Variants in SLK observed in about 807,000 individuals in gnomAD.
SLK encodes STE20-like serine/threonine-protein kinase.
In SLK, 67 loss-of-function variants were observed where a neutral mutation model predicts 147.7. The observed-to-expected ratio is 0.45, with a 90% confidence interval of 0.37 to 0.56. SLK has a LOEUF of 0.56. Among genes scored for constraint, SLK ranks in the 20% least tolerant of loss-of-function variants. The pLI, the probability that SLK is intolerant of heterozygous loss-of-function variation, is 0.00. For synonymous variants in SLK, 441 were observed against 475.0 expected (o/e 0.93, Z 0.93); for missense variants, 1,136 against 1,438.8 (o/e 0.79, Z 3.41).
rs1001093919 is a variant in SLK, at chr10:103,986,927, T to C, written c.151-3748T>C. On this transcript the variant is annotated intron_variant, in intron 1 of 18. Coordinates refer to ENST00000369755, the MANE Select transcript of SLK (RefSeq NM_014720.4). ...TCCTGACCTTGTGATCCGCCCGCCT[T>C]GGCCTCCCAAAGTGCTGGGATTACA... is the stretch of plus-strand genomic sequence containing the variant. Among the ~76,000 whole-genome samples, 3 of 152,058 alleles carry C rather than the reference T, an allele frequency of 2.0e-5. No homozygotes were observed. In the South Asian group the frequency reaches 6.2e-4, roughly 31 times the overall value.
chr10:104,029,108 A>G lies in SLK; in HGVS notation c.*3388A>G, dbSNP rs1384623811. On this transcript the variant is annotated 3_prime_UTR_variant, in exon 19 of 19. Coordinates refer to ENST00000369755, the MANE Select transcript of SLK (RefSeq NM_014720.4). ...TGCTCCTTCTCTGGTTTGCAGTGTA[A>G]TGAGTTCATAAGCTAAATTTTCAGA... 6.6e-6 allele frequency: 1 copy of G among 152,216 alleles called. No individual in the cohort carries two copies. Among genetic ancestry groups the G allele is most frequent in the Non-Finnish European group, 1.5e-5 (1 of 68,046 alleles). 9.4% of individuals were successfully genotyped at this position (152,216 alleles called of 1,614,324 possible).
At chr10:103,984,204 C>T (rs113241038) in intron 1 of SLK, among the ~76,000 whole-genome samples, 205 of 152,190 alleles carry the variant, frequency 1.3e-3, no homozygotes, top group African/African-American at 4.7e-3. Context: ...TTACTATATA[C>T]GATAACATAC....
intron 1 of SLK, among the ~76,000 whole-genome samples, chr10:103,981,805 A>T (rs1843947096): frequency 6.6e-6 from 1 of 152,056 alleles, no homozygotes; most frequent in Non-Finnish European, 1.5e-5. Flanking sequence ...TATTTTGGCT[A>T]TTCAGGGTCC....
chr10:104,006,095 A>G, intron 11 of SLK, 60 bp downstream of exon 11: 1 of 1,497,884 alleles, frequency 6.7e-7, no homozygotes, highest in Non-Finnish European at 9.1e-7. Flanking sequence ...CATTTACTGC[A>G]TTAAAAACAG....
Position 104,008,308 on chromosome 10 carries a change from G to A in SLK, c.2736G>A (p.Glu912=). The change falls in exon 12 of 19, where the codon GAG becomes GAA. Residue 912 remains glutamate, a synonymous_variant. Transcript: ENST00000369755. Reference sequence around the variant, plus strand: ...CCAAACGCATCAAAGGAGAACAAGAGAAAGAGTTGTCCAAATTTCAGAATA... The same window carrying A: ...CCAAACGCATCAAAGGAGAACAAGAAAAAGAGTTGTCCAAATTTCAGAATA... ...DEAKRIKGEQ[E]KELSKFQNML... The A allele has an allele frequency of 6.2e-7, 1 of 1,613,372 alleles. No individual in the cohort carries two copies. The highest frequency in any genetic ancestry group is 8.5e-7 in the Non-Finnish European group (1 of 1,179,682).
At chr10:103,992,422 T>A (rs1265947016) in intron 2 of SLK, among the ~76,000 whole-genome samples, 176 bp from the exon 3 acceptor site, 2 of 152,036 alleles carry the variant, frequency 1.3e-5, no homozygotes, top group Non-Finnish European at 2.9e-5. Flanking sequence ...ATCAAATGCA[T>A]ATTGTTTGAG....
intron 16 of SLK, 74 bp downstream of exon 16, chr10:104,019,996 C>G (rs1302555380): frequency 2.5e-6 from 3 of 1,223,172 alleles, no homozygotes; most frequent in African/African-American, 3.0e-5. Flanking sequence ...CTACAAAATT[C>G]CTTTCTTTCT....
chr10:104,005,704 A>G lies in SLK; in HGVS notation c.2480+13A>G. 6.2e-7 allele frequency: 1 copy of G among 1,606,056 alleles called. No homozygotes were observed. The highest frequency in any genetic ancestry group is 2.2e-5 in the East Asian group (1 of 44,776). On this transcript the variant is annotated intron_variant, in intron 10 of 18. Coordinates refer to ENST00000369755, the MANE Select transcript of SLK (RefSeq NM_014720.4). Reference sequence around the variant, plus strand: ...TGCGGTTTCTTAGGTGAGTAGAGAAACAACGTAATTAAAACTGGTTTGTGA... The same window carrying G: ...TGCGGTTTCTTAGGTGAGTAGAGAAGCAACGTAATTAAAACTGGTTTGTGA...
chr10:103,977,684 T>C (rs1055720269), intron 1 of SLK, among the ~76,000 whole-genome samples: 12 of 152,224 alleles, frequency 7.9e-5, no homozygotes, highest in African/African-American at 2.7e-4. Context: ...ATTTCCTTGT[T>C]AAATTTTTGC....
At chr10:103,970,235 C>G (rs966536662) in intron 1 of SLK, among the ~76,000 whole-genome samples, 3 of 152,132 alleles carry the variant, frequency 2.0e-5, no homozygotes, top group African/African-American at 7.2e-5. Context: ...GGGAAAGGAA[C>G]CAAGAAGATA....
intron 11 of SLK, among the ~76,000 whole-genome samples, chr10:104,007,270 T>C (rs17116261): frequency 0.037 from 5,615 of 152,268 alleles, 186 homozygotes; most frequent in South Asian, 0.11. Context: ...GCTATTCTTC[T>C]GGATAATCTA....
chr10:104,005,672 G>A lies in SLK; in HGVS notation c.2461G>A (p.Glu821Lys), dbSNP rs140813954. The A allele has an allele frequency of 9.1e-4, 1,460 of 1,610,608 alleles. No homozygotes were observed. Among genetic ancestry groups the A allele is most frequent in the Admixed American group, 1.1e-3 (66 of 59,386 alleles). ...KIVTDSDSKTEELRFLRRQEL... is the reference protein window; with the variant it reads ...KIVTDSDSKTKELRFLRRQEL... ...AGTTACAGATAGTGATTCCAAAACTGAAGAATTGCGGTTTCTTAGGTGAGT... is the reference window on the plus strand; with the variant it reads ...AGTTACAGATAGTGATTCCAAAACTAAAGAATTGCGGTTTCTTAGGTGAGT... Residue 821 changes from glutamate (E) to lysine (K), a missense_variant, in exon 10 of 19, where the codon GAA becomes AAA. Glu to Lys is a moderately conservative substitution (Grantham distance 56). Transcript: ENST00000369755.
At chr10:103,980,276 T>C (rs1843924303) in intron 1 of SLK, among the ~76,000 whole-genome samples, 1 of 152,220 alleles carries the variant, frequency 6.6e-6, no homozygotes. Flanking sequence ...TGTGCACATT[T>C]ATTTTTCAAT....
At position 104,002,951 on chromosome 10, in the gene SLK, T is replaced by C. The variant is rs559818037; in HGVS notation, c.1773T>C (p.Gly591=). ...GQKLINKPMV[G]PEAGGTKEVP... ...AATTAATTAATAAGCCCATGGTGGG[T>C]CCTGAGGCTGGTGGTACTAAGGAAG... The change falls in exon 9 of 19, where the codon GGT becomes GGC. Residue 591 remains glycine (G), a synonymous_variant. Coordinates refer to ENST00000369755, the MANE Select transcript of SLK (RefSeq NM_014720.4). 8 of 1,613,910 alleles carry C rather than the reference T, an allele frequency of 5.0e-6. 1 individual carries two copies. The South Asian group carries it at 8.8e-5, about 18-fold the overall frequency.
chr10:104,000,496 G>GA (rs1177889873), intron 7 of SLK, among the ~76,000 whole-genome samples: 1 of 152,090 alleles, frequency 6.6e-6, no homozygotes, highest in Non-Finnish European at 1.5e-5. Context: ...AATAAAGCAG[G>GA]AAAAAATTGC....
At chr10:104,004,602 G>A (rs1013148983) in intron 9 of SLK, among the ~76,000 whole-genome samples, 2 of 152,090 alleles carry the variant, frequency 1.3e-5, no homozygotes, top group African/African-American at 4.8e-5. Context: ...TTGGAGAAGA[G>A]AACAGTAAGA....
chr10:104,016,509 A>C (rs1046738390), intron 13 of SLK, among the ~76,000 whole-genome samples: 2 of 152,202 alleles, frequency 1.3e-5, no homozygotes, highest in African/African-American at 4.8e-5. Flanking sequence ...ATATTCATTG[A>C]AAATTTTTTC....
chr10:104,016,085 G>C (rs908817225), intron 13 of SLK, among the ~76,000 whole-genome samples: 1 of 152,058 alleles, frequency 6.6e-6, no homozygotes, highest in South Asian at 2.1e-4. Flanking sequence ...TTGGGAGGCC[G>C]AGGTGGGCGA....
chr10:103,993,233 A>C, intron 4 of SLK, 100 bp downstream of exon 4: 1 of 792,098 alleles, frequency 1.3e-6, no homozygotes. Context: ...TAAATATGTG[A>C]AACATGGAGA....
Sources: gnomAD v4.1 joint callset for allele counts (sites outside exome capture counted in the v4.1 genomes callset) on GRCh38, gnomAD v4.1.1 for gene constraint, MANE v1.5 for transcripts, NCBI Gene and HGNC (gene_info 2026-07-23, HGNC 2026-07-21) for gene names.